The following SCFD2 variants were observed in gnomAD, a reference collection of about 807,000 sequenced individuals.
SCFD2 encodes the protein sec1 family domain containing 2.
In SCFD2, 54 loss-of-function variants were observed where a neutral mutation model predicts 58.9. The observed-to-expected ratio is 0.92, with a 90% CI of 0.74 to 1.15. The LOEUF is 1.15. SCFD2 is among the 50% of genes most tolerant of loss of function. The pLI is 0.00. For missense variants in SCFD2, 805 were observed against 836.6 expected (o/e 0.96, Z 0.47); for synonymous variants, 321 against 335.9 (o/e 0.96, Z 0.49).
intron 7 of SCFD2, among the ~76,000 whole-genome samples, chr4:52,901,690 G>A (rs138338324): frequency 6.6e-6 from 1 of 152,282 alleles, no homozygotes; most frequent in East Asian, 1.9e-4. Flanking sequence ...TCAATGATTT[G>A]GGATGACTTG....
chr4:53,322,541 C>CT (rs1277335125), intron 2 of SCFD2, among the ~76,000 whole-genome samples: 1 of 152,180 alleles, frequency 6.6e-6, no homozygotes, highest in Non-Finnish European at 1.5e-5. Flanking sequence ...TTCCTACTCT[C>CT]TATCAGCCCA....
chr4:52,880,613 T>C (rs1245021266), intron 8 of SCFD2, among the ~76,000 whole-genome samples: 1 of 70,140 alleles, frequency 1.4e-5, no homozygotes, highest in East Asian at 3.5e-4. Context: ...TGAGACCCTG[T>C]CTCAAAAAAA....
chr4:53,241,462 A>G (rs1212452044), intron 4 of SCFD2, among the ~76,000 whole-genome samples: 1 of 152,048 alleles, frequency 6.6e-6, no homozygotes, highest in African/African-American at 2.4e-5. Flanking sequence ...CCTGTTTGCA[A>G]TCCAGTCTCC....
chr4:53,225,378 A>T (rs1159317352), intron 4 of SCFD2, among the ~76,000 whole-genome samples: 2 of 152,128 alleles, frequency 1.3e-5, no homozygotes, highest in Admixed American at 6.5e-5. Flanking sequence ...TCATATGCTT[A>T]TTAGCCACTA....
At chr4:53,094,713 T>C (rs993752458) in intron 5 of SCFD2, among the ~76,000 whole-genome samples, 7 of 151,700 alleles carry the variant, frequency 4.6e-5, no homozygotes, top group Non-Finnish European at 1.0e-4. Flanking sequence ...ATTTCTTTTA[T>C]CTTAAAAAAA....
Position 53,058,073 on chromosome 4 carries a change from T to C in SCFD2, c.1561+87260A>G, listed in dbSNP as rs1010566604. Among the ~76,000 whole-genome samples, 8 of 152,264 alleles carry C rather than the reference T, an allele frequency of 5.3e-5. 1 individual carries two copies. The highest frequency in any genetic ancestry group is 3.9e-4 in the East Asian group (2 of 5,170). On this transcript the variant is annotated intron_variant, in intron 5 of 8. Transcript: ENST00000401642. Reference sequence around the variant, plus strand: ...AAGGCTATCAGATAAAATCTGACCATTCAATAGACAGCTACATTTATTACT... The same window carrying C: ...AAGGCTATCAGATAAAATCTGACCACTCAATAGACAGCTACATTTATTACT...
chr4:53,352,751 T>A lies in SCFD2; in HGVS notation c.854A>T (p.His285Leu). ...TLDLTGAVGHHGDNLVEKIIS... is the reference protein window; with the variant it reads ...TLDLTGAVGHLGDNLVEKIIS... ...GATCTTCTCTACTAAGTTGTCTCCATGATGTCCAACTGCTCCTGTTTAAGC... is the reference window on the plus strand; with the variant it reads ...GATCTTCTCTACTAAGTTGTCTCCAAGATGTCCAACTGCTCCTGTTTAAGC... The change falls in exon 2 of 9, where the codon CAT becomes CTT. Residue 285 changes from histidine (H) to leucine (L), a missense_variant. Physicochemically the swap from His to Leu is moderately conservative, Grantham distance 99. Transcript: ENST00000401642. The A allele has an allele frequency of 6.2e-7, 1 of 1,614,006 alleles. No homozygotes were observed. Among genetic ancestry groups the A allele is most frequent in the Non-Finnish European group, 8.5e-7 (1 of 1,179,878 alleles).
At chr4:53,211,493 G>C (rs1392507633) in intron 4 of SCFD2, among the ~76,000 whole-genome samples, 2 of 152,102 alleles carry the variant, frequency 1.3e-5, no homozygotes, top group African/African-American at 2.4e-5. Flanking sequence ...GGAGTCATGG[G>C]AACCCCAACT....
chr4:52,901,954 A>G (rs1307057026), intron 7 of SCFD2, among the ~76,000 whole-genome samples: 1 of 152,242 alleles, frequency 6.6e-6, no homozygotes, highest in Admixed American at 6.5e-5. Flanking sequence ...GCAAAAATGT[A>G]CATAAATAAG....
intron 5 of SCFD2, among the ~76,000 whole-genome samples, chr4:53,083,940 G>A (rs1419830900): frequency 6.6e-6 from 1 of 152,126 alleles, no homozygotes; most frequent in East Asian, 1.9e-4. Flanking sequence ...CAGAACCACT[G>A]ATAAGGATCC....
At chr4:52,959,618 TCAACTTTATATGA>T (rs567092511) in intron 5 of SCFD2, among the ~76,000 whole-genome samples, 16 of 152,220 alleles carry the variant, frequency 1.1e-4, no homozygotes, top group African/African-American at 3.4e-4. Context: ...CTTCTTTAGA[TCAACTTTATATGA>T]CACAAGCTCT....
At chr4:52,972,487 C>A (rs1045138455) in intron 5 of SCFD2, among the ~76,000 whole-genome samples, 2 of 152,148 alleles carry the variant, frequency 1.3e-5, no homozygotes, top group Non-Finnish European at 2.9e-5. Context: ...TATATATGCA[C>A]CCAATACAGG....
intron 5 of SCFD2, among the ~76,000 whole-genome samples, chr4:53,066,819 G>A (rs773837602): frequency 1.3e-5 from 2 of 152,010 alleles, no homozygotes; most frequent in Non-Finnish European, 1.5e-5. Context: ...AATATGTGGA[G>A]ATATGTTATT....
chr4:53,178,174 CA>C (rs1727407169), intron 4 of SCFD2, among the ~76,000 whole-genome samples: 1 of 151,796 alleles, frequency 6.6e-6, no homozygotes. Flanking sequence ...GTTCTCCCGT[CA>C]TGCCTGAGAA....
At chr4:53,128,927 T>G (rs371770589) in intron 5 of SCFD2, among the ~76,000 whole-genome samples, 4 of 152,192 alleles carry the variant, frequency 2.6e-5, no homozygotes, top group South Asian at 2.1e-4. Flanking sequence ...GGTGGTGATT[T>G]GTATGGAAAA....
intron 5 of SCFD2, among the ~76,000 whole-genome samples, chr4:53,124,980 A>G (rs1459753358): frequency 6.6e-6 from 1 of 152,222 alleles, no homozygotes; most frequent in African/African-American, 2.4e-5. Flanking sequence ...AACGGAGGTA[A>G]AGAGAGATTA....
At chr4:53,044,889 T>C (rs1722991980) in intron 5 of SCFD2, among the ~76,000 whole-genome samples, 11 of 38,278 alleles carry the variant, frequency 2.9e-4, no homozygotes, top group African/African-American at 1.1e-3. Flanking sequence ...CCACCCCAAT[T>C]CCCACCTCCA....
intron 4 of SCFD2, among the ~76,000 whole-genome samples, chr4:53,172,245 T>C (rs1294406241): frequency 6.6e-6 from 1 of 152,014 alleles, no homozygotes. Context: ...CCTTGTGATC[T>C]GCCTGTCTCA....
At chr4:52,875,126 C>T (rs1248002666) in intron 8 of SCFD2, among the ~76,000 whole-genome samples, 1 of 152,170 alleles carries the variant, frequency 6.6e-6, no homozygotes, top group Non-Finnish European at 1.5e-5. Context: ...AGTCAGGATC[C>T]CAGCGCAGAC....
Sources: allele counts gnomAD v4.1 joint callset (sites outside exome capture counted in the v4.1 genomes callset), GRCh38; gene constraint gnomAD v4.1.1; transcripts MANE v1.5; gene names NCBI Gene and HGNC (gene_info 2026-07-23, HGNC 2026-07-21).